The following MAGI2 variants were observed in gnomAD, a reference collection of about 807,000 sequenced individuals.
MAGI2 encodes membrane-associated guanylate kinase, WW and PDZ domain-containing protein 2.
In MAGI2, 35 loss-of-function variants were observed where a neutral mutation model predicts 133.3. The ratio of observed to expected loss-of-function variants is 0.26; its 90% confidence interval spans 0.20 to 0.35. The LOEUF is 0.35. Among genes scored for constraint, MAGI2 ranks in the 10% least tolerant of loss-of-function variants. The pLI is 1.00. For synonymous variants in MAGI2, 729 were observed against 710.6 expected, an observed-to-expected ratio of 1.03 and a Z score of -0.41; for missense variants, 1,636 against 1,863.4, an observed-to-expected ratio of 0.88 and a Z score of 2.25.
intron 1 of MAGI2, among the ~76,000 whole-genome samples, chr7:79,229,077 G>C (rs144076131): frequency 6.7e-6 from 1 of 150,012 alleles, no homozygotes; most frequent in African/African-American, 2.5e-5. Context: ...GGATGTATAC[G>C]ACAATGATTT....
intron 1 of MAGI2, among the ~76,000 whole-genome samples, chr7:79,071,398 G>A (rs1427787911): frequency 2.0e-5 from 3 of 152,020 alleles, no homozygotes; most frequent in Non-Finnish European, 2.9e-5. Context: ...CCTGCTGGGA[G>A]GTGTCTCCTA....
In MAGI2 at chr7:78,969,702, G is replaced by A. The variant is rs748040982; in HGVS notation, c.418+37388C>T. Among the ~76,000 whole-genome samples, 245 of 151,942 alleles carry A rather than the reference G, an allele frequency of 1.6e-3. 5 individuals are homozygous for A. Among genetic ancestry groups the A allele is most frequent in the Non-Finnish European group, 5.9e-4 (40 of 67,986 alleles). ...CTTAACCCTACATTTGTGCAGTAGG[G>A]TTCTCATTTAACACGTTAAATGATT... On this transcript the variant is annotated intron_variant, in intron 2 of 21. Transcript: ENST00000354212.
intron 1 of MAGI2, among the ~76,000 whole-genome samples, chr7:79,305,742 T>C (rs1837735156): frequency 6.6e-6 from 1 of 152,058 alleles, no homozygotes; most frequent in African/African-American, 2.4e-5. Context: ...ACCCTGTCTC[T>C]ACAAAAAATA....
chr7:78,513,352 G>C (rs924119481), intron 4 of MAGI2, among the ~76,000 whole-genome samples: 1 of 152,196 alleles, frequency 6.6e-6, no homozygotes, highest in Non-Finnish European at 1.5e-5. Flanking sequence ...ATAGAGTCAT[G>C]TAGAAGCAAT....
chr7:78,231,507 A>G (rs1195823775), intron 10 of MAGI2, among the ~76,000 whole-genome samples: 1 of 152,242 alleles, frequency 6.6e-6, no homozygotes, highest in Non-Finnish European at 1.5e-5. Context: ...AATTAAAATG[A>G]TATCTGACAG....
chr7:78,223,148 A>G (rs1789001260), intron 10 of MAGI2, among the ~76,000 whole-genome samples: 1 of 152,126 alleles, frequency 6.6e-6, no homozygotes, highest in Admixed American at 6.5e-5. Context: ...CGGGTATCAC[A>G]CCTGGGCTTT....
At chr7:79,311,349 A>G (rs1838276184) in intron 1 of MAGI2, among the ~76,000 whole-genome samples, 1 of 152,096 alleles carries the variant, frequency 6.6e-6, no homozygotes. Flanking sequence ...CTAAACATAA[A>G]TCACCAAAAA....
chr7:78,910,414 C>T (rs1240394282), intron 2 of MAGI2, among the ~76,000 whole-genome samples: 2 of 151,816 alleles, frequency 1.3e-5, no homozygotes, highest in Admixed American at 1.3e-4. Context: ...ATGTAAAAGG[C>T]CTTGGATAAT....
rs1807683701 is a variant in MAGI2, at chr7:79,008,387, T to C, written c.302-1181A>G. Among the ~76,000 whole-genome samples, 3 of 152,136 alleles carry C rather than the reference T, an allele frequency of 2.0e-5. No individual in the cohort carries two copies. In the South Asian group the frequency reaches 6.2e-4, roughly 32 times the overall value. On this transcript the variant is annotated intron_variant, in intron 1 of 21. Coordinates refer to ENST00000354212, the MANE Select transcript of MAGI2 (RefSeq NM_012301.4). ...CTAATAGACTTACATATTGTAACAT[T>C]TCTAAAGTTTTCAAAATCCATCATT...
chr7:78,516,055 T>C (rs1035994242), intron 4 of MAGI2, among the ~76,000 whole-genome samples: 4 of 152,224 alleles, frequency 2.6e-5, no homozygotes, highest in Admixed American at 6.5e-5. Flanking sequence ...GATGATCAGT[T>C]TTTACTTTTC....
chr7:79,250,406 G>T (rs1287908912), intron 1 of MAGI2, among the ~76,000 whole-genome samples: 1 of 150,054 alleles, frequency 6.7e-6, no homozygotes, highest in East Asian at 1.9e-4. Context: ...AAAGTTGCAG[G>T]ATACAAAAGC....
At chr7:79,077,373 T>C (rs1347190357) in intron 1 of MAGI2, among the ~76,000 whole-genome samples, 2 of 151,024 alleles carry the variant, frequency 1.3e-5, no homozygotes, top group Non-Finnish European at 3.0e-5. Context: ...CTGGCTAACA[T>C]GGTGAAACCC....
chr7:78,695,890 TAA>T (rs1474632389), intron 2 of MAGI2, among the ~76,000 whole-genome samples: 1 of 152,196 alleles, frequency 6.6e-6, no homozygotes, highest in Non-Finnish European at 1.5e-5. Flanking sequence ...TCCTAGTTTT[TAA>T]AAGACTTTTC....
intron 1 of MAGI2, among the ~76,000 whole-genome samples, chr7:79,217,501 A>G (rs1437238455): frequency 6.6e-6 from 1 of 151,998 alleles, no homozygotes; most frequent in East Asian, 1.9e-4. Flanking sequence ...TGCTATATAG[A>G]AGGTATTTAT....
intron 2 of MAGI2, among the ~76,000 whole-genome samples, chr7:78,857,303 G>A: frequency 6.6e-6 from 1 of 152,104 alleles, no homozygotes; most frequent in East Asian, 1.9e-4. Flanking sequence ...AATAGGAGTG[G>A]TGAGAGAGGG....
intron 6 of MAGI2, among the ~76,000 whole-genome samples, chr7:78,369,650 A>T (rs370327279): frequency 6.6e-6 from 1 of 152,136 alleles, no homozygotes; most frequent in Non-Finnish European, 1.5e-5. Context: ...AAACAAAGAC[A>T]TTATAAATTC....
At chr7:78,159,200 C>T (rs577205318) in intron 16 of MAGI2, among the ~76,000 whole-genome samples, 3 of 152,288 alleles carry the variant, frequency 2.0e-5, no homozygotes, top group South Asian at 2.1e-4. Flanking sequence ...TCGCAATTCC[C>T]GTCTTGATAA....
intron 6 of MAGI2, among the ~76,000 whole-genome samples, chr7:78,389,432 C>T (rs1409635970): frequency 6.6e-6 from 1 of 152,160 alleles, no homozygotes; most frequent in Non-Finnish European, 1.5e-5. Flanking sequence ...AGATAGGGAG[C>T]ATATCTTACT....
intron 2 of MAGI2, among the ~76,000 whole-genome samples, chr7:78,762,867 G>A (rs1824650642): frequency 6.6e-6 from 1 of 152,136 alleles, no homozygotes; most frequent in African/African-American, 2.4e-5. Flanking sequence ...ATTCCAGACA[G>A]TGAAAAAAAT....
Sources: allele counts gnomAD v4.1 joint callset (sites outside exome capture counted in the v4.1 genomes callset), GRCh38; gene constraint gnomAD v4.1.1; transcripts MANE v1.5; gene names NCBI Gene and HGNC (gene_info 2026-07-23, HGNC 2026-07-21).